PRDM16: variants seen among roughly 807,000 people sequenced by gnomAD.
PRDM16 encodes histone-lysine N-methyltransferase PRDM16.
In PRDM16, 23 loss-of-function variants were observed where a neutral mutation model predicts 110.6. The observed-to-expected ratio is 0.21, with a 90% confidence interval of 0.15 to 0.29. PRDM16 has a LOEUF of 0.29. Among genes scored for constraint, PRDM16 ranks in the 10% least tolerant of loss-of-function variants. The pLI, the probability that PRDM16 is intolerant of heterozygous loss-of-function variation, is 1.00. For missense variants in PRDM16, 1,615 were observed against 1,794.3 expected, an observed-to-expected ratio of 0.90 and a Z score of 1.81; for synonymous variants, 799 against 781.8, an observed-to-expected ratio of 1.02 and a Z score of -0.37.
chr1:3,149,928 G>A (rs1483148166), intron 1 of PRDM16, among the ~76,000 whole-genome samples: 2 of 152,156 alleles, frequency 1.3e-5, no homozygotes, highest in South Asian at 2.1e-4. Flanking sequence ...GTTGGGCCTG[G>A]ACAAGGTTCA....
At chr1:3,092,900 T>C (rs1046510800) in intron 1 of PRDM16, among the ~76,000 whole-genome samples, 1 of 152,056 alleles carries the variant, frequency 6.6e-6, no homozygotes, top group Non-Finnish European at 1.5e-5. Context: ...TCCACGACTT[T>C]GACATAGACA....
intron 3 of PRDM16, among the ~76,000 whole-genome samples, chr1:3,250,751 C>G (rs1288718875): frequency 6.6e-6 from 1 of 152,178 alleles, no homozygotes; most frequent in African/African-American, 2.4e-5. Flanking sequence ...CAGCCCAAGT[C>G]CAAGAGCACA....
At position 3,322,277 on chromosome 1, in the gene PRDM16, T is replaced by A. The variant is rs1473353893; in HGVS notation, c.439-62875T>A. 2.0e-5 allele frequency among the ~76,000 whole-genome samples: 3 copies of A among 152,248 alleles called. No individual in the cohort carries two copies. In the East Asian group the frequency reaches 5.8e-4, roughly 29 times the overall value. Reference sequence around the variant, plus strand: ...TCTGTCAAAGCCGAGTGTATAGCAGTGGCCTGGGAGCTCAGAGCGAGGGGA... The same window carrying A: ...TCTGTCAAAGCCGAGTGTATAGCAGAGGCCTGGGAGCTCAGAGCGAGGGGA... On this transcript the variant is annotated intron_variant, in intron 3 of 16. Transcript: ENST00000270722.
intron 1 of PRDM16, among the ~76,000 whole-genome samples, chr1:3,122,057 C>G (rs1557463495): frequency 1.3e-5 from 2 of 152,212 alleles, no homozygotes; most frequent in Admixed American, 1.3e-4. Flanking sequence ...ATTAGGGGAG[C>G]CAGCCTCACC....
At position 3,181,125 on chromosome 1, in the gene PRDM16, C is replaced by CGGCCTT. The variant is rs1557508024; in HGVS notation, c.38-5000_38-4999insGGCCTT. On this transcript the variant is annotated intron_variant, in intron 1 of 16. Transcript: ENST00000270722. ...AGTCTTACACGCGGCCTTACACACG[C>CGGCCTT]AGTCTTACACGCGGTCTTACACACG... is the stretch of plus-strand genomic sequence containing the variant. Among the ~76,000 whole-genome samples the CGGCCTT allele has an allele frequency of 1.1e-4, 15 of 138,826 alleles. 2 individuals carry two copies. Among genetic ancestry groups the CGGCCTT allele is most frequent in the African/African-American group, 3.9e-4 (15 of 38,540 alleles). The allele number at this position is 138,826 out of a possible 152,430, so 91.1% of individuals were successfully genotyped here.
intron 3 of PRDM16, among the ~76,000 whole-genome samples, chr1:3,259,637 GC>G (rs1354532296): frequency 1.3e-5 from 2 of 152,240 alleles, no homozygotes; most frequent in African/African-American, 4.8e-5. Flanking sequence ...GGAGGCTGGG[GC>G]AAGAGGGGAC....
intron 4 of PRDM16, among the ~76,000 whole-genome samples, chr1:3,386,362 T>C (rs547753273): frequency 6.6e-6 from 1 of 152,278 alleles, no homozygotes; most frequent in African/African-American, 2.4e-5. Flanking sequence ...ACAGAAACAA[T>C]TTTGCATTAA....
chr1:3,421,327 G>A (rs1323072541), intron 12 of PRDM16, among the ~76,000 whole-genome samples: 1 of 152,178 alleles, frequency 6.6e-6, no homozygotes, highest in Non-Finnish European at 1.5e-5. Flanking sequence ...TTCTCTGGGA[G>A]TGCAGCAGGC....
intron 1 of PRDM16, among the ~76,000 whole-genome samples, chr1:3,079,624 C>T (rs1641975919): frequency 6.6e-6 from 1 of 152,202 alleles, no homozygotes; most frequent in East Asian, 1.9e-4. Context: ...GCTCTTATTC[C>T]TGGAAAACCC....
chr1:3,186,696 C>T (rs561133127), intron 2 of PRDM16: 1 of 468,962 alleles, frequency 2.1e-6, no homozygotes, highest in African/African-American at 2.0e-5. Context: ...TAGGCCACGC[C>T]CACTCTCTCC....
rs1223652430 is a variant in PRDM16 at position 3,213,645 on chromosome 1, G to A, written c.387+27171G>A. Among the ~76,000 whole-genome samples, 1 of 152,126 alleles carries A rather than the reference G, an allele frequency of 6.6e-6. No homozygotes were observed. The highest frequency in any genetic ancestry group is 1.5e-5 in the Non-Finnish European group (1 of 68,022). On this transcript the variant is annotated intron_variant, in intron 2 of 16. Coordinates refer to ENST00000270722, the MANE Select transcript of PRDM16 (RefSeq NM_022114.4). The surrounding 1 kb of genome is among the most constrained non-coding windows in gnomAD (Gnocchi z 5.3). ...GAGGTGGCACTTGTTTCCATGAGATGCTCCAAGCTCCTCCTGTTCTTACCC... is the reference window on the plus strand; with the variant it reads ...GAGGTGGCACTTGTTTCCATGAGATACTCCAAGCTCCTCCTGTTCTTACCC...
chr1:3,278,793 G>T (rs1640646345), intron 3 of PRDM16, among the ~76,000 whole-genome samples: 1 of 152,206 alleles, frequency 6.6e-6, no homozygotes, highest in Non-Finnish European at 1.5e-5. Flanking sequence ...GAAAACCTCT[G>T]CTGCTCTGAC....
chr1:3,433,843 G>A lies in PRDM16; in HGVS notation c.*32G>A, dbSNP rs200223220. 8.1e-5 allele frequency: 130 copies of A among 1,608,272 alleles called. No individual in the cohort carries two copies. The East Asian group carries it at 2.3e-3, about 28-fold the overall frequency. On this transcript the variant is annotated 3_prime_UTR_variant, in exon 17 of 17. Coordinates refer to ENST00000270722, the MANE Select transcript of PRDM16 (RefSeq NM_022114.4). ...GGGCAGCCGGGGGCCGGTGGCCAGA[G>A]CGAGGGCACCAGCCACGAAGGACGG...
rs1195691546 is a variant in PRDM16 at position 3,437,120 on chromosome 1, C to A, written c.*3309C>A. On this transcript the variant is annotated 3_prime_UTR_variant, in exon 17 of 17. Transcript: ENST00000270722. ...AACCCAGAGGATCGAGCCCCTGCAC[C>A]CTGCCTGGGGCCCTGGGGTGTGGAG... The A allele has an allele frequency of 2.6e-5, 6 of 231,144 alleles. No homozygotes were observed. Among genetic ancestry groups the A allele is most frequent in the Non-Finnish European group, 5.1e-5 (6 of 117,038 alleles). 14.3% of individuals were successfully genotyped at this position (231,144 alleles called of 1,614,324 possible). A position where few individuals can be genotyped will look rare whatever the true frequency, so the allele number is the denominator to read the frequency against.
rs376770912 is a variant in PRDM16 at position 3,359,499 on chromosome 1, G to A, written c.439-25653G>A. Among the ~76,000 whole-genome samples, 2 of 151,870 alleles carry A rather than the reference G, an allele frequency of 1.3e-5. No homozygotes were observed. Among genetic ancestry groups the A allele is most frequent in the African/African-American group, 4.8e-5 (2 of 41,358 alleles). On this transcript the variant is annotated intron_variant, in intron 3 of 16. Coordinates refer to ENST00000270722, the MANE Select transcript of PRDM16 (RefSeq NM_022114.4). The surrounding 1 kb of genome is among the most constrained non-coding windows in gnomAD (Gnocchi z 4.3). ...CACAAAGCAGCAAGAATTGCGGCCC[G>A]GGAGCAGTGGCTGCAGCCTCCCGAG...
intron 1 of PRDM16, among the ~76,000 whole-genome samples, chr1:3,109,752 C>T (rs1642742372): frequency 1.3e-5 from 2 of 152,200 alleles, no homozygotes; most frequent in South Asian, 2.1e-4. Flanking sequence ...GGAGTTATTA[C>T]GGGGTCTCAA....
At chr1:3,139,122 A>G (rs1643495489) in intron 1 of PRDM16, among the ~76,000 whole-genome samples, 1 of 152,144 alleles carries the variant, frequency 6.6e-6, no homozygotes, top group Non-Finnish European at 1.5e-5. Flanking sequence ...ATCTAAACGC[A>G]GACACACGTG....
chr1:3,083,685 C>T (rs1395807435), intron 1 of PRDM16, among the ~76,000 whole-genome samples: 1 of 151,976 alleles, frequency 6.6e-6, no homozygotes, highest in Non-Finnish European at 1.5e-5. Context: ...TAGTTTTGTT[C>T]CAGGGGGTTG....
At chr1:3,415,816 A>G (rs780869277) in intron 10 of PRDM16, among the ~76,000 whole-genome samples, 1 of 152,210 alleles carries the variant, frequency 6.6e-6, no homozygotes, top group Non-Finnish European at 1.5e-5. Context: ...GAGATGACTA[A>G]TAAGTCACCA....
Sources: gnomAD v4.1 joint callset for allele counts (sites outside exome capture counted in the v4.1 genomes callset) on GRCh38, gnomAD v4.1.1 for gene constraint, Gnocchi (gnomAD v3.1) non-coding constraint, MANE v1.5 for transcripts, NCBI Gene and HGNC (gene_info 2026-07-23, HGNC 2026-07-21) for gene names.